The following CHD7 variants were observed in gnomAD, a reference collection of about 807,000 sequenced individuals.
The protein encoded by CHD7 is chromodomain helicase DNA binding protein 7.
In CHD7, 24 loss-of-function variants were observed where a neutral mutation model predicts 307.3. The observed-to-expected ratio is 0.08, with a 90% CI of 0.06 to 0.11. The LOEUF (loss-of-function observed/expected upper bound fraction) is 0.11, where lower values mean the gene tolerates loss of function less well. Ranked by LOEUF, CHD7 falls within the 10% of genes least tolerant of loss-of-function variation. The probability of loss-of-function intolerance (pLI) is 1.00; values close to 1 mark genes in which losing one functional copy is unlikely to be tolerated. For missense variants in CHD7, 3,106 were observed against 3,727.1 expected (o/e 0.83, Z 4.34); for synonymous variants, 1,363 against 1,349.9 (o/e 1.01, Z -0.21).
chr8:60,761,768 C>T (rs932401725), intron 2 of CHD7, among the ~76,000 whole-genome samples: 8 of 151,994 alleles, frequency 5.3e-5, no homozygotes, highest in Non-Finnish European at 7.4e-5. Context: ...GGAGTGCTAC[C>T]AGACCCTGCC....
rs530158598 is a variant in CHD7 at position 60,742,243 on chromosome 8, C to G, written c.811C>G (p.His271Asp). ...TGCTCTCCATGGAGAATCCGTTGCC[C>G]ACAGTCCCAGATTCTCCCCGAATCC... ...STALHGESVA[H>D]SPRFSPNPPQ... The change falls in exon 2 of 38, where the codon CAC becomes GAC. Residue 271 changes from histidine to aspartate, a missense_variant. By Grantham distance (81) the His-to-Asp change is moderately conservative. Coordinates refer to ENST00000423902, the MANE Select transcript of CHD7 (RefSeq NM_017780.4). 1 of 1,613,896 alleles carries G rather than the reference C, an allele frequency of 6.2e-7. No individual in the cohort carries two copies. Among genetic ancestry groups the G allele is most frequent in the African/African-American group, 1.3e-5 (1 of 75,006 alleles).
intron 2 of CHD7, among the ~76,000 whole-genome samples, chr8:60,752,636 T>C (rs551302500): frequency 1.3e-5 from 2 of 152,356 alleles, no homozygotes; most frequent in Admixed American, 6.5e-5. Flanking sequence ...AAAATTCTTA[T>C]TGAATATAGA....
chr8:60,832,772 A>G (rs1290605708), intron 15 of CHD7, among the ~76,000 whole-genome samples: 1 of 152,178 alleles, frequency 6.6e-6, no homozygotes. Context: ...GTTTTCCCCC[A>G]AAACACAGCT....
chr8:60,821,217 G>A (rs1804016547), intron 9 of CHD7, among the ~76,000 whole-genome samples: 1 of 152,122 alleles, frequency 6.6e-6, no homozygotes, highest in African/African-American at 2.4e-5. Context: ...ATGTAAGTCT[G>A]AATCAAACTC....
chr8:60,740,196 T>C (rs1808922754), intron 1 of CHD7, among the ~76,000 whole-genome samples: 1 of 152,242 alleles, frequency 6.6e-6, no homozygotes, highest in African/African-American at 2.4e-5. Flanking sequence ...GCACGTAGGG[T>C]GCGAACACAA....
chr8:60,800,581 TC>T, intron 5 of CHD7, 56 bp downstream of exon 5: 1 of 880,584 alleles, frequency 1.1e-6, no homozygotes, highest in Non-Finnish European at 1.6e-6. Context: ...ACTAGAAATT[TC>T]ATTGCTGCAA....
intron 1 of CHD7, among the ~76,000 whole-genome samples, chr8:60,727,039 C>T (rs1311944076): frequency 1.3e-5 from 2 of 152,146 alleles, no homozygotes; most frequent in South Asian, 2.1e-4. Context: ...AAGTGGCAGA[C>T]GTTGTAAATG....
intron 21 of CHD7, 66 bp downstream of exon 21, chr8:60,842,118 G>A: frequency 7.7e-7 from 1 of 1,305,528 alleles, no homozygotes; most frequent in African/African-American, 1.5e-5. Flanking sequence ...CCAACTGGTA[G>A]AGAAAAACTA....
chr8:60,832,120 C>T lies in CHD7; in HGVS notation c.3778+1543C>T, dbSNP rs546579603. ...CACTGCAGCCTCGACCTCCCAGGCT[C>T]AAGCATCCCTCCCACCTCAGCCTCC... On this transcript the variant is annotated intron_variant, in intron 15 of 37. Transcript: ENST00000423902. Among the ~76,000 whole-genome samples the T allele has an allele frequency of 2.6e-5, 4 of 152,142 alleles. No homozygotes were observed. In the South Asian group the frequency reaches 8.3e-4, roughly 32 times the overall value.
At position 60,837,712 on chromosome 8, in the gene CHD7, A is replaced by T; in HGVS notation, c.4230A>T (p.Lys1410Asn). The change falls in exon 18 of 38, where the codon AAA becomes AAT. Residue 1410 changes from lysine (K) to asparagine (N), a missense_variant. Transcript: ENST00000423902. ...CHRIGQSKSV[K>N]IYRLITRNSY... Reference sequence around the variant, plus strand: ...GAATAGGACAGAGCAAATCTGTGAAAATCTACAGGCTGATTACAAGAAATT... The same window carrying T: ...GAATAGGACAGAGCAAATCTGTGAATATCTACAGGCTGATTACAAGAAATT... 1.3e-6 allele frequency: 2 copies of T among 1,598,322 alleles called. No individual in the cohort carries two copies. The highest frequency in any genetic ancestry group is 1.7e-6 in the Non-Finnish European group (2 of 1,171,666).
chr8:60,718,754 C>T (rs1296266300), intron 1 of CHD7, among the ~76,000 whole-genome samples: 1 of 151,496 alleles, frequency 6.6e-6, no homozygotes, highest in African/African-American at 2.5e-5. Context: ...CAGCAGTGTG[C>T]AGTAACATCC....
chr8:60,709,508 CATT>C (rs1807180814), intron 1 of CHD7, among the ~76,000 whole-genome samples: 1 of 152,170 alleles, frequency 6.6e-6, no homozygotes, highest in African/African-American at 2.4e-5. Flanking sequence ...GAATGAGTGT[CATT>C]GTTGCTTTCT....
At position 60,852,518 on chromosome 8, in the gene CHD7, C is replaced by T; in HGVS notation, c.5915C>T (p.Ala1972Val). Reference sequence around the variant, plus strand: ...AACAGGTGGACAAGAAGAGAAGAGGCTGATTTTTACCGTGTGGTATCCACC... The same window carrying T: ...AACAGGTGGACAAGAAGAGAAGAGGTTGATTTTTACCGTGTGGTATCCACC... ...KRQKWTRREE[A>V]DFYRVVSTFG... The change falls in exon 30 of 38, where the codon GCT (alanine) becomes GTT (valine). Residue 1972 changes from alanine to valine, a missense_variant. Around this residue, in one of 10 missense-constraint regions of CHD7, gnomAD observed 1,030 missense variants for 1,165.4 expected, o/e 0.88. Transcript: ENST00000423902. 1 of 1,613,732 alleles carries T rather than the reference C, an allele frequency of 6.2e-7. No homozygotes were observed. The highest frequency in any genetic ancestry group is 1.1e-5 in the South Asian group (1 of 91,056).
In CHD7 at chr8:60,800,130, G is replaced by A. The variant is rs548652497; in HGVS notation, c.2239-258G>A. Among the ~76,000 whole-genome samples, 42 of 151,614 alleles carry A rather than the reference G, an allele frequency of 2.8e-4. No homozygotes were observed. In the East Asian group the frequency reaches 6.0e-3, roughly 22 times the overall value. ...ACTGCAAGCTCCACCTCGTGGGTTCGCGCCATTCTCCTGCCTCAGCCTCCC... is the reference window on the plus strand; with the variant it reads ...ACTGCAAGCTCCACCTCGTGGGTTCACGCCATTCTCCTGCCTCAGCCTCCC... On this transcript the variant is annotated intron_variant, in intron 4 of 37. Coordinates refer to ENST00000423902, the MANE Select transcript of CHD7 (RefSeq NM_017780.4).
Position 60,849,110 on chromosome 8 carries a change from A to T in CHD7, c.5360A>T (p.Asp1787Val). Residue 1787 changes from aspartate to valine, a missense_variant, in exon 25 of 38, where the codon GAT (aspartate) becomes GTT (valine). Around this residue, in one of 10 missense-constraint regions of CHD7, gnomAD observed 1,030 missense variants for 1,165.4 expected, o/e 0.88. Transcript: ENST00000423902. Reference protein sequence around the residue: ...FHAEVPADWWDKEADKSLLIG... With the variant: ...FHAEVPADWWVKEADKSLLIG... ...GCTGAAGTTCCTGCAGATTGGTGGG[A>T]TAAGGAAGCAGACAAATCCCTCTTA... 6.2e-7 allele frequency: 1 copy of T among 1,613,638 alleles called. No homozygotes were observed. The highest frequency in any genetic ancestry group is 8.5e-7 in the Non-Finnish European group (1 of 1,179,652).
chr8:60,774,862 T>C (rs1182476830), intron 2 of CHD7, among the ~76,000 whole-genome samples: 5 of 152,196 alleles, frequency 3.3e-5, no homozygotes, highest in African/African-American at 9.7e-5. Flanking sequence ...GCATAGTGTT[T>C]TACACATTGT....
intron 2 of CHD7, among the ~76,000 whole-genome samples, chr8:60,747,340 A>G (rs1809381903): frequency 6.6e-6 from 1 of 152,136 alleles, no homozygotes. Context: ...GGCCTCCCAA[A>G]GTGCTGGGAT....
intron 9 of CHD7, among the ~76,000 whole-genome samples, chr8:60,821,286 C>T (rs1804021041): frequency 6.6e-6 from 1 of 152,110 alleles, no homozygotes; most frequent in Admixed American, 6.5e-5. Context: ...TATTTGCTAG[C>T]TATTTCTTTA....
rs76661823 is a variant in CHD7 at position 60,772,362 on chromosome 8, C to T, written c.1666-8638C>T. On this transcript the variant is annotated intron_variant, in intron 2 of 37. Coordinates refer to ENST00000423902, the MANE Select transcript of CHD7 (RefSeq NM_017780.4). ...TTCTTAGGAACAGCATAGTAAGTTACTTTTAATATTGATCCTTTTAAGGTA... is the reference window on the plus strand; with the variant it reads ...TTCTTAGGAACAGCATAGTAAGTTATTTTTAATATTGATCCTTTTAAGGTA... 8.1e-3 allele frequency among the ~76,000 whole-genome samples: 1,241 copies of T among 152,270 alleles called. 22 individuals are homozygous for T. Among genetic ancestry groups the T allele is most frequent in the African/African-American group, 0.029 (1,189 of 41,546 alleles).
Sources: gnomAD v4.1 joint callset for allele counts (sites outside exome capture counted in the v4.1 genomes callset) on GRCh38, gnomAD v4.1.1 for gene constraint, gnomAD v4.1.1 regional missense constraint, MANE v1.5 for transcripts, NCBI Gene and HGNC (gene_info 2026-07-23, HGNC 2026-07-21) for gene names.